Variants in GRID2 observed in about 807,000 individuals in gnomAD.
GRID2 encodes glutamate ionotropic receptor delta type subunit 2.
A neutral mutation model predicts 114.8 loss-of-function variants in GRID2; 33 were observed. The ratio of observed to expected loss-of-function variants is 0.29; its 90% CI spans 0.22 to 0.38. The LOEUF (loss-of-function observed/expected upper bound fraction) is 0.38. Ranked by LOEUF, GRID2 falls within the 10% of genes least tolerant of loss-of-function variation. The pLI is 1.00. For missense variants in GRID2, 1,184 were observed against 1,257.7 expected (o/e 0.94, Z 0.89); for synonymous variants, 505 against 449.9 (o/e 1.12, Z -1.55).
At chr4:93,033,299 G>C (rs1165643939) in intron 2 of GRID2, among the ~76,000 whole-genome samples, 1 of 152,148 alleles carries the variant, frequency 6.6e-6, no homozygotes, top group Non-Finnish European at 1.5e-5. Context: ...TATACCCATG[G>C]TTATGGTTTA....
chr4:92,588,833 C>T (rs960387243), intron 1 of GRID2, among the ~76,000 whole-genome samples: 8 of 151,796 alleles, frequency 5.3e-5, no homozygotes, highest in Non-Finnish European at 5.9e-5. Flanking sequence ...CCAGGCACAG[C>T]GGCTCACTCC....
intron 13 of GRID2, among the ~76,000 whole-genome samples, chr4:93,624,771 G>C (rs938893566): frequency 6.6e-6 from 1 of 152,078 alleles, no homozygotes; most frequent in East Asian, 1.9e-4. Flanking sequence ...TTTTATATGT[G>C]AAAAAGTTGA....
intron 2 of GRID2, among the ~76,000 whole-genome samples, chr4:92,911,765 G>T (rs1338077862): frequency 6.6e-6 from 1 of 151,304 alleles, no homozygotes; most frequent in Admixed American, 6.6e-5. Flanking sequence ...TCAAGTATTG[G>T]CAAATAAATG....
At chr4:93,277,922 G>A (rs574453087) in intron 8 of GRID2, among the ~76,000 whole-genome samples, 4 of 152,112 alleles carry the variant, frequency 2.6e-5, no homozygotes, top group Non-Finnish European at 5.9e-5. Flanking sequence ...TGAGTATTGA[G>A]AGAAGTTTCT....
At chr4:93,121,295 C>T (rs1733763405) in intron 4 of GRID2, among the ~76,000 whole-genome samples, 1 of 152,170 alleles carries the variant, frequency 6.6e-6, no homozygotes, top group Non-Finnish European at 1.5e-5. Flanking sequence ...CAGAACATAA[C>T]TAGCATGCCC....
At chr4:93,408,657 T>A (rs1766786268) in intron 9 of GRID2, among the ~76,000 whole-genome samples, 1 of 152,138 alleles carries the variant, frequency 6.6e-6, no homozygotes, top group Admixed American at 6.6e-5. Context: ...GCCTTATTAT[T>A]AATCTTAATA....
At chr4:92,734,126 T>G (rs908459877) in intron 2 of GRID2, among the ~76,000 whole-genome samples, 5 of 152,154 alleles carry the variant, frequency 3.3e-5, no homozygotes, top group Non-Finnish European at 7.3e-5. Flanking sequence ...TTTACATGTT[T>G]CTATCAGCCC....
At chr4:92,893,563 A>C (rs533685073) in intron 2 of GRID2, among the ~76,000 whole-genome samples, 1 of 152,234 alleles carries the variant, frequency 6.6e-6, no homozygotes, top group African/African-American at 2.4e-5. Context: ...GTATGCTTCT[A>C]TATTATAACA....
intron 1 of GRID2, among the ~76,000 whole-genome samples, chr4:92,319,715 G>A (rs903112144): frequency 2.6e-5 from 4 of 152,184 alleles, no homozygotes; most frequent in Non-Finnish European, 5.9e-5. Context: ...GGAAGTCAGA[G>A]ACAATATTTT....
At position 92,635,787 on chromosome 4, in the gene GRID2, A is replaced by G. The variant is rs543337356; in HGVS notation, c.244+45501A>G. Among the ~76,000 whole-genome samples, 4 of 152,220 alleles carry G rather than the reference A, an allele frequency of 2.6e-5. No individual in the cohort carries two copies. The East Asian group carries it at 5.8e-4, about 22-fold the overall frequency. On this transcript the variant is annotated intron_variant, in intron 2 of 15. Coordinates refer to ENST00000282020, the MANE Select transcript of GRID2 (RefSeq NM_001510.4). ...GTATTTCAATGATTTCAGGTACACC[A>G]TGTTGCTACCAATTAATCCTTAGAA...
intron 1 of GRID2, among the ~76,000 whole-genome samples, chr4:92,567,983 A>G (rs1341993133): frequency 6.6e-6 from 1 of 152,038 alleles, no homozygotes. Flanking sequence ...TCAGATGGCC[A>G]TATAAACTAT....
chr4:93,550,421 C>T lies in GRID2; in HGVS notation c.2193+35010C>T, dbSNP rs140320367. 1.1e-4 allele frequency among the ~76,000 whole-genome samples: 17 copies of T among 152,274 alleles called. No homozygotes were observed. The Middle Eastern group carries it at 0.02, about 183-fold the overall frequency. On this transcript the variant is annotated intron_variant, in intron 13 of 15. Coordinates refer to ENST00000282020, the MANE Select transcript of GRID2 (RefSeq NM_001510.4). ...AACTTCCACTAATATTAACCCAATGCTTGGCTATTACAGAAGAGATAACTG... is the reference window on the plus strand; with the variant it reads ...AACTTCCACTAATATTAACCCAATGTTTGGCTATTACAGAAGAGATAACTG...
At chr4:92,824,672 G>A (rs962306025) in intron 2 of GRID2, among the ~76,000 whole-genome samples, 6 of 151,964 alleles carry the variant, frequency 3.9e-5, no homozygotes, top group African/African-American at 1.5e-4. Context: ...GCATTTATGT[G>A]TAACAAGTTT....
At chr4:93,524,474 C>G (rs1024744357) in intron 13 of GRID2, among the ~76,000 whole-genome samples, 5 of 151,974 alleles carry the variant, frequency 3.3e-5, no homozygotes, top group African/African-American at 9.6e-5. Flanking sequence ...TTCCAGCAGC[C>G]GTGCTAATGC....
intron 9 of GRID2, among the ~76,000 whole-genome samples, chr4:93,411,503 T>C (rs1767130235): frequency 6.6e-6 from 1 of 151,700 alleles, no homozygotes; most frequent in African/African-American, 2.4e-5. Flanking sequence ...GCCGTGGTCC[T>C]AGCTCACTGC....
At chr4:92,946,364 T>C (rs1409602609) in intron 2 of GRID2, among the ~76,000 whole-genome samples, 3 of 152,140 alleles carry the variant, frequency 2.0e-5, no homozygotes, top group African/African-American at 7.2e-5. Flanking sequence ...TCTCATAGCC[T>C]ATTTCAGAAA....
intron 2 of GRID2, among the ~76,000 whole-genome samples, chr4:92,846,292 A>C (rs891598213): frequency 1.3e-5 from 2 of 152,034 alleles, no homozygotes; most frequent in African/African-American, 4.8e-5. Context: ...AGTACCTAAT[A>C]GGTATTTTTT....
intron 5 of GRID2, among the ~76,000 whole-genome samples, chr4:93,213,772 G>T (rs1384695023): frequency 6.7e-6 from 1 of 149,724 alleles, no homozygotes; most frequent in African/African-American, 2.4e-5. Context: ...TCTAGATGGA[G>T]TTGTATCCCC....
chr4:92,705,289 T>G (rs1734902739), intron 2 of GRID2, among the ~76,000 whole-genome samples: 1 of 152,350 alleles, frequency 6.6e-6, no homozygotes, highest in Admixed American at 6.5e-5. Context: ...TATTCATTTT[T>G]ATCAATACTT....
Sources: allele counts gnomAD v4.1 joint callset (sites outside exome capture counted in the v4.1 genomes callset), GRCh38; gene constraint gnomAD v4.1.1; transcripts MANE v1.5; gene names NCBI Gene and HGNC (gene_info 2026-07-23, HGNC 2026-07-21).